ACSS1: variants seen among roughly 807,000 people sequenced by gnomAD.
ACSS1 encodes the protein acyl-CoA synthetase short chain family member 1.
In ACSS1, 42 loss-of-function variants were observed where a neutral mutation model predicts 75.3. The observed-to-expected ratio is 0.56, with a 90% confidence interval of 0.44 to 0.72. The LOEUF (loss-of-function observed/expected upper bound fraction) is 0.72. Ranked by LOEUF, ACSS1 falls within the 30% of genes least tolerant of loss-of-function variation. The pLI is 0.00. For synonymous variants in ACSS1, 380 were observed against 376.8 expected (o/e 1.01, Z -0.10); for missense variants, 782 against 935.7 (o/e 0.84, Z 2.14).
At chr20:25,025,572 G>A (rs905919189) in intron 3 of ACSS1, among the ~76,000 whole-genome samples, 1 of 152,192 alleles carries the variant, frequency 6.6e-6, no homozygotes, top group Non-Finnish European at 1.5e-5. Context: ...GTCTCACAAG[G>A]CCAAAGTCAA....
At chr20:25,049,702 C>G (rs1399741873) in intron 1 of ACSS1, among the ~76,000 whole-genome samples, 1 of 152,156 alleles carries the variant, frequency 6.6e-6, no homozygotes. Flanking sequence ...ACGGAGACAG[C>G]GCCCGCACCA....
intron 6 of ACSS1, among the ~76,000 whole-genome samples, chr20:25,020,837 G>A (rs1330527401): frequency 6.6e-6 from 1 of 152,276 alleles, no homozygotes; most frequent in Non-Finnish European, 1.5e-5. Flanking sequence ...TTTGGGCAGA[G>A]CCACCATGAT....
Position 25,007,117 on chromosome 20 carries a change from G to C in ACSS1, c.*645C>G. 5 of 1,402,776 alleles carry C rather than the reference G, an allele frequency of 3.6e-6. No individual in the cohort carries two copies. Among genetic ancestry groups the C allele is most frequent in the Non-Finnish European group, 4.6e-6 (5 of 1,080,422 alleles). 86.9% of individuals were successfully genotyped at this position (1,402,776 alleles called of 1,614,324 possible). ...ACCAGGAAAAGATGCCGGAGGCTTGGAAGTTCTCAAGGGAACTGTTTAGAC... is the reference window on the plus strand; with the variant it reads ...ACCAGGAAAAGATGCCGGAGGCTTGCAAGTTCTCAAGGGAACTGTTTAGAC... On this transcript the variant is annotated 3_prime_UTR_variant, in exon 14 of 14. Coordinates refer to ENST00000323482, the MANE Select transcript of ACSS1 (RefSeq NM_032501.4).
intron 2 of ACSS1, among the ~76,000 whole-genome samples, chr20:25,038,684 C>G (rs918460557): frequency 6.6e-6 from 1 of 152,158 alleles, no homozygotes; most frequent in Non-Finnish European, 1.5e-5. Context: ...CTCCATGCCC[C>G]CAAGGCAGGT....
intron 3 of ACSS1, among the ~76,000 whole-genome samples, chr20:25,025,813 A>G (rs548499421): frequency 1.3e-5 from 2 of 151,522 alleles, no homozygotes; most frequent in Non-Finnish European, 2.9e-5. Flanking sequence ...AATCTCTCTG[A>G]CCTCCCCTTC....
chr20:25,046,809 C>T (rs1380888470), intron 2 of ACSS1: 1 of 779,710 alleles, frequency 1.3e-6, no homozygotes, highest in South Asian at 1.3e-5. Context: ...TCCAGTGGGG[C>T]CCGAGGATCC....
chr20:25,010,342 A>G (rs545906990), intron 12 of ACSS1: 13 of 152,304 alleles, frequency 8.5e-5, no homozygotes, highest in African/African-American at 2.6e-4. Flanking sequence ...GGGGTCAGAG[A>G]CCTTCTCACT....
chr20:25,015,858 T>C (rs1439506835), intron 7 of ACSS1, among the ~76,000 whole-genome samples: 1 of 152,180 alleles, frequency 6.6e-6, no homozygotes, highest in Non-Finnish European at 1.5e-5. Context: ...CTCTTAACAT[T>C]TAAAACTCCA....
At position 25,012,877 on chromosome 20, in the gene ACSS1, G is replaced by A. The variant is rs1027957028; in HGVS notation, c.1642C>T (p.Arg548Trp). 15 of 1,614,038 alleles carry A rather than the reference G, an allele frequency of 9.3e-6. No homozygotes were observed. Among genetic ancestry groups the A allele is most frequent in the Admixed American group, 1.7e-5 (1 of 60,002 alleles). Residue 548 changes from arginine (R) to tryptophan (W), a missense_variant, in exon 11 of 14, where the codon CGG becomes TGG. Arg to Trp is a moderately radical substitution (Grantham distance 101, BLOSUM62 -3). Transcript: ENST00000323482. ...CTGATGTTGATGACATCATCCATCC[G>A]CCCTGTGATCTGGTAATAGCCGCCC... ...TEGGYYQITG[R>W]MDDVINISGH... is the part of the protein sequence containing the mutation.
At position 25,030,843 on chromosome 20, in the gene ACSS1, G is replaced by T; in HGVS notation, c.547C>A (p.Leu183Met). Residue 183 changes from leucine (L) to methionine (M), a missense_variant, in exon 3 of 14, where the codon CTG becomes ATG. By Grantham distance (15) the Leu-to-Met change is conservative. This residue lies in a region of ACSS1 where 377 missense variants were observed against 383.1 expected (regional missense o/e 0.98). Coordinates refer to ENST00000323482, the MANE Select transcript of ACSS1 (RefSeq NM_032501.4). ...PVSPLAVAAM[L>M]ACARIGAVHT... Reference sequence around the variant, plus strand: ...ACAGCTCCGATCCTGGCACAGGCCAGCATTGCTGCCACAGCCAATGGGGAC... The same window carrying T: ...ACAGCTCCGATCCTGGCACAGGCCATCATTGCTGCCACAGCCAATGGGGAC... 6.2e-7 allele frequency: 1 copy of T among 1,614,220 alleles called. No homozygotes were observed. The highest frequency in any genetic ancestry group is 8.5e-7 in the Non-Finnish European group (1 of 1,180,038).
chr20:25,022,177 C>A (rs1296003302), intron 5 of ACSS1, among the ~76,000 whole-genome samples: 1 of 151,954 alleles, frequency 6.6e-6, no homozygotes, highest in Non-Finnish European at 1.5e-5. Flanking sequence ...ACCAACATGG[C>A]AAAACCCTGT....
intron 1 of ACSS1, among the ~76,000 whole-genome samples, chr20:25,054,202 A>C (rs934867846): frequency 6.6e-6 from 1 of 152,164 alleles, no homozygotes; most frequent in African/African-American, 2.4e-5. Flanking sequence ...TTTGAAAGCA[A>C]CCTCAGCCAC....
intron 2 of ACSS1, among the ~76,000 whole-genome samples, chr20:25,033,757 G>C (rs1030223031): frequency 1.3e-5 from 2 of 152,220 alleles, no homozygotes; most frequent in African/African-American, 4.8e-5. Context: ...CAACTTGGTG[G>C]TACAGCCACT....
intron 1 of ACSS1, among the ~76,000 whole-genome samples, chr20:25,054,463 G>A (rs2089216420): frequency 6.6e-6 from 1 of 152,248 alleles, no homozygotes; most frequent in African/African-American, 2.4e-5. Context: ...TGGGATGGGT[G>A]TGCTGATAGA....
chr20:25,033,377 C>T (rs561940412), intron 2 of ACSS1, among the ~76,000 whole-genome samples: 1 of 152,280 alleles, frequency 6.6e-6, no homozygotes, highest in East Asian at 1.9e-4. Flanking sequence ...GACATGGGAG[C>T]TTATCTTTCT....
intron 2 of ACSS1, among the ~76,000 whole-genome samples, chr20:25,044,624 A>T (rs192789842): frequency 6.6e-6 from 1 of 152,304 alleles, no homozygotes; most frequent in East Asian, 1.9e-4. Flanking sequence ...AAAAATCAAT[A>T]ATTAAAAATA....
chr20:25,025,327 C>T (rs1389117003), intron 3 of ACSS1, among the ~76,000 whole-genome samples: 1 of 152,226 alleles, frequency 6.6e-6, no homozygotes, highest in Non-Finnish European at 1.5e-5. Flanking sequence ...GCACCATGAG[C>T]ATGTCTGGCC....
At chr20:25,035,107 G>C (rs905942893) in intron 2 of ACSS1, among the ~76,000 whole-genome samples, 2 of 151,860 alleles carry the variant, frequency 1.3e-5, no homozygotes, top group African/African-American at 4.8e-5. Context: ...GTGTTCACCA[G>C]GATGATCTCA....
At chr20:25,037,594 T>C (rs138994291) in intron 2 of ACSS1, among the ~76,000 whole-genome samples, 36 of 152,334 alleles carry the variant, frequency 2.4e-4, no homozygotes, top group African/African-American at 8.7e-4. Context: ...GCCAACTCCA[T>C]GGTCTAGATC....
Sources: allele counts gnomAD v4.1 joint callset (sites outside exome capture counted in the v4.1 genomes callset), GRCh38; gene constraint gnomAD v4.1.1; regional missense constraint gnomAD v4.1.1; transcripts MANE v1.5; gene names NCBI Gene and HGNC (gene_info 2026-07-23, HGNC 2026-07-21).